RIC1: variants seen among roughly 807,000 people sequenced by gnomAD.
RIC1 encodes guanine nucleotide exchange factor subunit RIC1.
A neutral mutation model predicts 169.0 loss-of-function variants in RIC1; 88 were observed. The observed-to-expected ratio is 0.52, with a 90% CI of 0.44 to 0.62. RIC1 has a LOEUF of 0.62. Among genes scored for constraint, RIC1 ranks in the 20% least tolerant of loss-of-function variants. The pLI is 0.00. For missense variants in RIC1, 1,877 were observed against 1,725.5 expected (o/e 1.09, Z -1.56); for synonymous variants, 790 against 601.5 (o/e 1.31, Z -4.59).
In RIC1 at chr9:5,716,058, G is replaced by A. The variant is rs118036793; in HGVS notation, c.440+2055G>A. On this transcript the variant is annotated intron_variant, in intron 4 of 25. Transcript: ENST00000414202. ...AAGGTTTCACCATGTTGTTGAGGCT[G>A]GTCTCAAACTCCTAAGCTCAAGCGA... Among the ~76,000 whole-genome samples, 96 of 152,022 alleles carry A rather than the reference G, an allele frequency of 6.3e-4. No individual in the cohort carries two copies. The East Asian group carries it at 0.014, about 22-fold the overall frequency.
chr9:5,707,675 G>A (rs1360934071), intron 3 of RIC1, among the ~76,000 whole-genome samples: 1 of 151,758 alleles, frequency 6.6e-6, no homozygotes, highest in Non-Finnish European at 1.5e-5. Flanking sequence ...TTGTTTGTTT[G>A]TTTGTTTGTT....
intron 2 of RIC1, among the ~76,000 whole-genome samples, chr9:5,667,307 G>A (rs1401312443): frequency 6.6e-6 from 1 of 152,122 alleles, no homozygotes; most frequent in Non-Finnish European, 1.5e-5. Flanking sequence ...GGGCAATAGA[G>A]CAAGACTCCG....
chr9:5,768,078 G>C (rs551957613), intron 21 of RIC1, among the ~76,000 whole-genome samples: 27 of 152,276 alleles, frequency 1.8e-4, no homozygotes, highest in Admixed American at 3.9e-4. Context: ...TCCGAATCCA[G>C]GCAGTACTGC....
At chr9:5,705,532 GT>G (rs978612368) in intron 3 of RIC1, among the ~76,000 whole-genome samples, 1 of 152,074 alleles carries the variant, frequency 6.6e-6, no homozygotes, top group Non-Finnish European at 1.5e-5. Context: ...TAACTCTTCT[GT>G]GGATTCTTTA....
intron 21 of RIC1, among the ~76,000 whole-genome samples, chr9:5,767,775 C>T (rs1173538429): frequency 1.3e-5 from 2 of 151,730 alleles, no homozygotes; most frequent in African/African-American, 4.8e-5. Context: ...TTAGTAGAGA[C>T]GGGGTTTCTC....
intron 23 of RIC1, 35 bp from the exon 24 acceptor site, chr9:5,772,529 G>A (rs374377906): frequency 6.0e-6 from 9 of 1,501,276 alleles, no homozygotes; most frequent in African/African-American, 1.4e-5. Flanking sequence ...TTTTCTCCAC[G>A]AAGTTGGTTG....
chr9:5,755,725 C>T (rs1825970390), intron 15 of RIC1, among the ~76,000 whole-genome samples: 1 of 152,090 alleles, frequency 6.6e-6, no homozygotes, highest in African/African-American at 2.4e-5. Context: ...GAGTTCAAGA[C>T]CAGCCAGGCC....
intron 13 of RIC1, 102 bp downstream of exon 13, chr9:5,753,340 C>G (rs1246791927): frequency 1.9e-6 from 2 of 1,075,880 alleles, no homozygotes; most frequent in East Asian, 4.7e-5. Context: ...AAAAATAAAA[C>G]TCTTGATCTA....
intron 1 of RIC1, among the ~76,000 whole-genome samples, chr9:5,647,108 A>C (rs1818556384): frequency 6.6e-6 from 1 of 152,082 alleles, no homozygotes; most frequent in African/African-American, 2.4e-5. Flanking sequence ...GCCTTGTGGA[A>C]AATAATTTGA....
intron 17 of RIC1, among the ~76,000 whole-genome samples, chr9:5,760,126 G>C (rs1826241151): frequency 2.0e-5 from 3 of 152,204 alleles, no homozygotes; most frequent in Admixed American, 2.0e-4. Context: ...AAAAATAGTA[G>C]TAACAGTGAA....
chr9:5,640,658 G>T (rs1218668349), intron 1 of RIC1, among the ~76,000 whole-genome samples: 1 of 152,158 alleles, frequency 6.6e-6, no homozygotes, highest in Non-Finnish European at 1.5e-5. Flanking sequence ...ATACTCTTCT[G>T]TGTTTTTCTG....
intron 2 of RIC1, among the ~76,000 whole-genome samples, chr9:5,687,496 C>G (rs560997621): frequency 3.3e-5 from 5 of 152,136 alleles, no homozygotes; most frequent in Admixed American, 6.5e-5. Context: ...TAAATTTCCT[C>G]TTTAGTACTG....
chr9:5,714,048 C>A, intron 4 of RIC1, 45 bp downstream of exon 4: 2 of 1,233,474 alleles, frequency 1.6e-6, no homozygotes, highest in Non-Finnish European at 2.3e-6. Flanking sequence ...TGACAGTAGA[C>A]AATGTAGTTC....
intron 21 of RIC1, among the ~76,000 whole-genome samples, chr9:5,766,506 C>G (rs1301367842): frequency 3.3e-5 from 5 of 152,170 alleles, no homozygotes; most frequent in Non-Finnish European, 7.3e-5. Context: ...CCCTCCCAGC[C>G]TTTCCCCCAA....
chr9:5,774,025 G>C lies in RIC1; in HGVS notation c.4051G>C (p.Glu1351Gln), dbSNP rs1827425806. The C allele has an allele frequency of 6.2e-7, 1 of 1,613,966 alleles. No homozygotes were observed. Among genetic ancestry groups the C allele is most frequent in the South Asian group, 1.1e-5 (1 of 91,076 alleles). ...GCAGAAGCTCAGTGAGATAACAGAA[G>C]AGCAGGTCCAGCCAGATGCCTTCCA... ...QLQKLSEITE[E>Q]QVQPDAFQPI... The change falls in exon 26 of 26, where the codon GAG (glutamate) becomes CAG (glutamine). Residue 1351 changes from glutamate (E) to glutamine (Q), a missense_variant. Glu to Gln is a conservative substitution (Grantham distance 29). This residue lies in a region of RIC1 where 681 missense variants were observed against 582.0 expected (regional missense o/e 1.17). Coordinates refer to ENST00000414202, the MANE Select transcript of RIC1 (RefSeq NM_020829.4).
At chr9:5,738,115 G>A (rs1032916774) in intron 7 of RIC1, among the ~76,000 whole-genome samples, 2 of 152,070 alleles carry the variant, frequency 1.3e-5, no homozygotes, top group East Asian at 3.8e-4. Context: ...GTATTATATT[G>A]CTATACCATA....
chr9:5,739,324 C>G (rs759965882), intron 8 of RIC1, among the ~76,000 whole-genome samples: 1 of 152,106 alleles, frequency 6.6e-6, no homozygotes, highest in African/African-American at 2.4e-5. Context: ...TTTAACTCCC[C>G]GAGCTGCAGC....
At chr9:5,754,758 G>T in intron 14 of RIC1, 83 bp from the exon 15 acceptor site, 1 of 805,446 alleles carries the variant, frequency 1.2e-6, no homozygotes, top group Non-Finnish European at 1.9e-6. Flanking sequence ...AGCTTTGTCT[G>T]GGTAAGAATT....
intron 2 of RIC1, among the ~76,000 whole-genome samples, chr9:5,671,624 GT>G (rs1820113801): frequency 6.6e-6 from 1 of 152,196 alleles, no homozygotes; most frequent in Non-Finnish European, 1.5e-5. Flanking sequence ...AAAAGAACCT[GT>G]TTTGCAGGCA....
Sources: gnomAD v4.1 joint callset for allele counts (sites outside exome capture counted in the v4.1 genomes callset) on GRCh38, gnomAD v4.1.1 for gene constraint, gnomAD v4.1.1 regional missense constraint, MANE v1.5 for transcripts, NCBI Gene and HGNC (gene_info 2026-07-23, HGNC 2026-07-21) for gene names.